The following SEMA6D variants were observed in gnomAD, a reference collection of about 807,000 sequenced individuals.
SEMA6D encodes semaphorin-6D.
A neutral mutation model predicts 106.6 loss-of-function variants in SEMA6D; 35 were observed. The observed-to-expected ratio is 0.33, with a 90% confidence interval of 0.25 to 0.44. The LOEUF (loss-of-function observed/expected upper bound fraction) is 0.44, where lower values mean the gene tolerates loss of function less well. Among genes scored for constraint, SEMA6D ranks in the 20% least tolerant of loss-of-function variants. The probability of loss-of-function intolerance (pLI) is 1.00; values close to 1 mark genes in which losing one functional copy is unlikely to be tolerated. For synonymous variants in SEMA6D, 499 were observed against 487.7 expected (o/e 1.02, Z -0.31); for missense variants, 1,185 against 1,345.9 (o/e 0.88, Z 1.87).
intron 1 of SEMA6D, among the ~76,000 whole-genome samples, chr15:47,229,768 C>T (rs2032059428): frequency 6.6e-6 from 1 of 152,074 alleles, no homozygotes; most frequent in Non-Finnish European, 1.5e-5. Context: ...GAAGTCTGAC[C>T]ATCCTTTATT....
In SEMA6D at chr15:47,770,686, C is replaced by T. The variant is rs752422083; in HGVS notation, c.2123C>T (p.Thr708Ile). The T allele has an allele frequency of 6.2e-7, 1 of 1,614,112 alleles. No individual in the cohort carries two copies. The highest frequency in any genetic ancestry group is 1.7e-5 in the Admixed American group (1 of 60,016). The stretch of plus-strand genomic sequence containing the variant: ...GATGCAGAGTCCGCCCAGTCATGCA[C>T]AGACTCCAGTGGAAGTTTTGCCAAA... ...HKDAESAQSC[T>I]DSSGSFAKLN... The change falls in exon 19 of 19, where the codon ACA (threonine) becomes ATA (isoleucine). Residue 708 changes from threonine (T) to isoleucine (I), a missense_variant. Coordinates refer to ENST00000536845, the MANE Select transcript of SEMA6D (RefSeq NM_001358351.3).
intron 1 of SEMA6D, among the ~76,000 whole-genome samples, chr15:47,736,330 C>T (rs2080444744): frequency 6.6e-6 from 1 of 152,134 alleles, no homozygotes; most frequent in South Asian, 2.1e-4. Flanking sequence ...CCTTGTCACC[C>T]TGACAGAGGC....
intron 1 of SEMA6D, among the ~76,000 whole-genome samples, chr15:47,400,429 C>T (rs553117898): frequency 4.1e-5 from 6 of 144,616 alleles, no homozygotes; most frequent in Non-Finnish European, 6.0e-5. Flanking sequence ...GCAGAGGTTG[C>T]AGTGAGCCGA....
intron 16 of SEMA6D, 89 bp from the exon 17 acceptor site, chr15:47,766,948 T>C: frequency 2.7e-6 from 2 of 739,338 alleles, no homozygotes; most frequent in Non-Finnish European, 2.2e-6. Context: ...GTCTTTTTTT[T>C]TTTTACTTTT....
chr15:47,224,890 T>C (rs1566936184), intron 1 of SEMA6D, among the ~76,000 whole-genome samples: 4 of 151,894 alleles, frequency 2.6e-5, no homozygotes, highest in Admixed American at 1.3e-4. Context: ...CTCTCCTTTC[T>C]TGCTGCTCGG....
chr15:47,625,055 T>C (rs2077176224), intron 4 of SEMA6D, among the ~76,000 whole-genome samples: 2 of 151,926 alleles, frequency 1.3e-5, no homozygotes, highest in African/African-American at 4.8e-5. Context: ...TTAACCATGA[T>C]TATCACCATT....
intron 1 of SEMA6D, among the ~76,000 whole-genome samples, chr15:47,200,441 T>C (rs2141064188): frequency 6.6e-6 from 1 of 152,312 alleles, no homozygotes; most frequent in South Asian, 2.1e-4. Context: ...AAAATTCACA[T>C]ATCTGTTGGG....
chr15:47,557,849 C>G (rs1238596176), intron 3 of SEMA6D, among the ~76,000 whole-genome samples: 2 of 152,082 alleles, frequency 1.3e-5, no homozygotes, highest in Non-Finnish European at 2.9e-5. Flanking sequence ...ATTTGTTACC[C>G]TACAGTGAAT....
At chr15:47,186,027 T>G (rs1417130769) in intron 1 of SEMA6D, among the ~76,000 whole-genome samples, 2 of 152,142 alleles carry the variant, frequency 1.3e-5, no homozygotes, top group African/African-American at 4.8e-5. Flanking sequence ...TCTACAAATA[T>G]ACAATATTTG....
chr15:47,364,562 G>C (rs1417471820), intron 1 of SEMA6D, among the ~76,000 whole-genome samples: 1 of 152,160 alleles, frequency 6.6e-6, no homozygotes, highest in East Asian at 1.9e-4. Flanking sequence ...CAGTAGCTGT[G>C]ATTTGTTTTC....
intron 4 of SEMA6D, among the ~76,000 whole-genome samples, chr15:47,611,963 T>C (rs947341545): frequency 4.0e-5 from 6 of 151,700 alleles, no homozygotes; most frequent in Admixed American, 1.3e-4. Context: ...CAGGTGAAAA[T>C]AGAGTGTGAG....
chr15:47,190,227 G>C (rs1893870039), intron 1 of SEMA6D, among the ~76,000 whole-genome samples: 1 of 152,146 alleles, frequency 6.6e-6, no homozygotes, highest in Admixed American at 6.5e-5. Context: ...TCCCTCACTA[G>C]CTTGTTCAGG....
At chr15:47,596,660 T>G (rs890622458) in intron 3 of SEMA6D, among the ~76,000 whole-genome samples, 9 of 151,988 alleles carry the variant, frequency 5.9e-5, no homozygotes, top group African/African-American at 1.9e-4. Flanking sequence ...TTAACAAAAG[T>G]GCCAAGAACA....
At chr15:47,337,336 G>A in intron 1 of SEMA6D, among the ~76,000 whole-genome samples, 1 of 152,134 alleles carries the variant, frequency 6.6e-6, no homozygotes, top group East Asian at 1.9e-4. Context: ...CAGCAAAAAA[G>A]AGAACGTTGA....
chr15:47,540,624 C>T lies in SEMA6D; in HGVS notation c.-86-60241C>T, dbSNP rs777502407. ...TCCTAATTGGTCAGCAGCTACATAC[C>T]GAATAGAAGAATGAAGAGAGAAGAC... On this transcript the variant is annotated intron_variant, in intron 3 of 19. Transcript: ENST00000558014. Among the ~76,000 whole-genome samples, 3 of 151,972 alleles carry T rather than the reference C, an allele frequency of 2.0e-5. No homozygotes were observed. The South Asian group carries it at 6.2e-4, about 32-fold the overall frequency.
At chr15:47,376,052 A>G (rs2039436438) in intron 1 of SEMA6D, among the ~76,000 whole-genome samples, 1 of 152,238 alleles carries the variant, frequency 6.6e-6, no homozygotes, top group African/African-American at 2.4e-5. Context: ...AAATGGAGCT[A>G]GCACTGTCTT....
At chr15:47,658,395 C>T (rs2077847472) in intron 4 of SEMA6D, among the ~76,000 whole-genome samples, 1 of 151,816 alleles carries the variant, frequency 6.6e-6, no homozygotes, top group African/African-American at 2.4e-5. Flanking sequence ...GATTTTTCAG[C>T]AGGAAAAAGA....
chr15:47,229,727 T>C (rs1022898829), intron 1 of SEMA6D, among the ~76,000 whole-genome samples: 2 of 152,134 alleles, frequency 1.3e-5, no homozygotes, highest in Non-Finnish European at 2.9e-5. Flanking sequence ...GTCATATTGG[T>C]CTCCTTCTCC....
intron 1 of SEMA6D, among the ~76,000 whole-genome samples, chr15:47,188,600 T>G (rs2140917955): frequency 6.6e-6 from 1 of 152,316 alleles, no homozygotes; most frequent in South Asian, 2.1e-4. Flanking sequence ...ATTTAATTTA[T>G]TATCATATAA....
Sources: gnomAD v4.1 joint callset for allele counts (sites outside exome capture counted in the v4.1 genomes callset) on GRCh38, gnomAD v4.1.1 for gene constraint, MANE v1.5 for transcripts, NCBI Gene and HGNC (gene_info 2026-07-23, HGNC 2026-07-21) for gene names.